Variants in AOPEP observed in about 807,000 individuals in gnomAD.
AOPEP encodes the protein aminopeptidase O (putative), also known as aminopeptidase O.
A neutral mutation model predicts 98.1 loss-of-function variants in AOPEP; 77 were observed. The ratio of observed to expected loss-of-function variants is 0.78; its 90% CI spans 0.65 to 0.95. The LOEUF (loss-of-function observed/expected upper bound fraction) is 0.95. AOPEP is among the 40% of genes least tolerant of loss of function. The pLI is 0.00. For synonymous variants in AOPEP, 346 were observed against 365.3 expected (o/e 0.95, Z 0.60); for missense variants, 1,024 against 1,024.7 (o/e 1.00, Z 0.01).
At chr9:94,834,855 A>ACAT (rs1564220934) in intron 5 of AOPEP, among the ~76,000 whole-genome samples, 106 of 145,216 alleles carry the variant, frequency 7.3e-4, no homozygotes, top group Middle Eastern at 3.5e-3. Flanking sequence ...CATACATACA[A>ACAT]ACAATAAAAC....
chr9:95,139,867 T>C, the AOPEP span, among the ~76,000 whole-genome samples: 2 of 147,512 alleles, frequency 1.4e-5, no homozygotes, highest in African/African-American at 4.9e-5. Flanking sequence ...TATATATTCA[T>C]TCATTCTGTG....
At chr9:95,145,552 A>G in the AOPEP span, 1 of 152,258 alleles carries the variant, frequency 6.6e-6, no homozygotes, top group African/African-American at 2.4e-5. Context: ...TATGTGGAAT[A>G]TAAGACAAGC....
chr9:95,099,380 G>A, the AOPEP span: 17 of 227,942 alleles, frequency 7.5e-5, no homozygotes, highest in Non-Finnish European at 1.4e-4. Flanking sequence ...GCCTCCCTGC[G>A]GCTGCCCCTG....
At chr9:94,794,838 T>C (rs1588250459) in intron 4 of AOPEP, among the ~76,000 whole-genome samples, 1 of 152,266 alleles carries the variant, frequency 6.6e-6, no homozygotes, top group East Asian at 1.9e-4. Context: ...TAATTTCAGG[T>C]GGTCTGAATT....
intron 5 of AOPEP, among the ~76,000 whole-genome samples, chr9:94,873,800 A>T (rs901704565): frequency 6.6e-6 from 1 of 152,166 alleles, no homozygotes; most frequent in Non-Finnish European, 1.5e-5. Context: ...TCTTTGTTTC[A>T]TCAAGATGCT....
At chr9:94,767,354 G>A (rs1839859123) in intron 2 of AOPEP, among the ~76,000 whole-genome samples, 1 of 152,132 alleles carries the variant, frequency 6.6e-6, no homozygotes, top group South Asian at 2.1e-4. Context: ...ATACAAGGAT[G>A]GACTGTATCA....
Position 94,783,801 on chromosome 9 carries a change from T to G in AOPEP, c.965-8964T>G, listed in dbSNP as rs1034452633. Among the ~76,000 whole-genome samples, 5 of 152,318 alleles carry G rather than the reference T, an allele frequency of 3.3e-5. No individual in the cohort carries two copies. The East Asian group carries it at 9.6e-4, about 29-fold the overall frequency. On this transcript the variant is annotated intron_variant, in intron 3 of 16. Coordinates refer to ENST00000375315, the MANE Select transcript of AOPEP (RefSeq NM_001193329.3). ...ATATTCCTGTAAACATTGTTAGGCA[T>G]CTTTAATTTGTGATACAAAGATGTT...
At chr9:95,085,364 G>A (rs1587982034) in intron 16 of AOPEP, 2 of 491,338 alleles carry the variant, frequency 4.1e-6, no homozygotes, top group East Asian at 1.2e-4. Context: ...GCATCTCGTA[G>A]CTCTTCTTTG....
At chr9:95,084,587 A>G (rs2070367723) in intron 16 of AOPEP, among the ~76,000 whole-genome samples, 1 of 152,218 alleles carries the variant, frequency 6.6e-6, no homozygotes, top group South Asian at 2.1e-4. Context: ...AAGGCCAGCT[A>G]GTCCTTTCAT....
At chr9:94,765,678 C>T (rs1839440876) in intron 2 of AOPEP, among the ~76,000 whole-genome samples, 1 of 151,338 alleles carries the variant, frequency 6.6e-6, no homozygotes, top group Non-Finnish European at 1.5e-5. Flanking sequence ...AGCTGTTTTC[C>T]CACTTTACCA....
chr9:95,102,063 T>A, the AOPEP span, among the ~76,000 whole-genome samples: 1 of 152,172 alleles, frequency 6.6e-6, no homozygotes, highest in South Asian at 2.1e-4. Flanking sequence ...GCGGTGCCAT[T>A]TCCTAACGAG....
chr9:94,903,003 CAG>C (rs2050624420), intron 5 of AOPEP, among the ~76,000 whole-genome samples: 1 of 143,504 alleles, frequency 7.0e-6, no homozygotes, highest in Non-Finnish European at 1.5e-5. Flanking sequence ...TTTTTGAAGA[CAG>C]AGTCTCATTC....
At chr9:94,931,633 C>G (rs534827826) in intron 7 of AOPEP, 1 of 895,196 alleles carries the variant, frequency 1.1e-6, no homozygotes, top group Non-Finnish European at 1.8e-6. Flanking sequence ...CAGATGCTAT[C>G]TTGTTCTTTC....
chr9:94,850,264 A>ATTAAT (rs1287036228), intron 5 of AOPEP, among the ~76,000 whole-genome samples: 1 of 151,370 alleles, frequency 6.6e-6, no homozygotes, highest in East Asian at 1.9e-4. Context: ...TAGATTTTAA[A>ATTAAT]TTATTAATAT....
intron 5 of AOPEP, among the ~76,000 whole-genome samples, chr9:94,908,666 GA>G (rs1741510580): frequency 6.6e-6 from 1 of 152,154 alleles, no homozygotes; most frequent in Admixed American, 6.5e-5. Context: ...TGCAGAGGTA[GA>G]GAGGGGAAAC....
At chr9:95,025,916 T>C (rs894103901) in intron 13 of AOPEP, among the ~76,000 whole-genome samples, 2 of 152,132 alleles carry the variant, frequency 1.3e-5, no homozygotes, top group South Asian at 4.1e-4. Flanking sequence ...CAGTAATAAG[T>C]AAGCTCCGAG....
At chr9:94,771,561 T>C (rs937742618) in intron 2 of AOPEP, among the ~76,000 whole-genome samples, 5 of 152,192 alleles carry the variant, frequency 3.3e-5, no homozygotes, top group Admixed American at 1.3e-4. Flanking sequence ...GGAACTTCAT[T>C]TCCTAGGCTC....
At chr9:94,823,823 A>G (rs1031307991) in intron 5 of AOPEP, among the ~76,000 whole-genome samples, 2 of 152,200 alleles carry the variant, frequency 1.3e-5, no homozygotes, top group African/African-American at 2.4e-5. Context: ...GCTCATTGCT[A>G]TCACTGAGAA....
At chr9:94,905,220 T>A (rs2050957714) in intron 5 of AOPEP, among the ~76,000 whole-genome samples, 1 of 151,904 alleles carries the variant, frequency 6.6e-6, no homozygotes. Context: ...TTTATGTGAT[T>A]TCTTCTTCTC....
Sources: allele counts gnomAD v4.1 joint callset (sites outside exome capture counted in the v4.1 genomes callset), GRCh38; gene constraint gnomAD v4.1.1; transcripts MANE v1.5; gene names NCBI Gene and HGNC (gene_info 2026-07-23, HGNC 2026-07-21).